Variants in FGD4 observed in about 807,000 individuals in gnomAD.
The protein encoded by FGD4 is FYVE, RhoGEF and PH domain containing 4.
Under a neutral mutation model 102.0 loss-of-function variants are expected in FGD4, and 42 were observed. The observed-to-expected ratio is 0.41, with a 90% CI of 0.32 to 0.53. The LOEUF is 0.53. FGD4 is among the 20% of genes least tolerant of loss of function. The probability of loss-of-function intolerance (pLI) is 0.21; values close to 1 mark genes in which losing one functional copy is unlikely to be tolerated. For synonymous variants in FGD4, 380 were observed against 375.7 expected (o/e 1.01, Z -0.13); for missense variants, 902 against 1,078.2 (o/e 0.84, Z 2.29).
intron 1 of FGD4, among the ~76,000 whole-genome samples, chr12:32,490,399 C>CTT (rs3077004): frequency 0.28 from 36,640 of 130,700 alleles, 5,580 homozygotes; most frequent in East Asian, 0.49. Context: ...TTTTATCAGT[C>CTT]TTTTTTTTTT....
At chr12:32,500,955 G>A (rs1938176480) in intron 1 of FGD4, among the ~76,000 whole-genome samples, 1 of 152,218 alleles carries the variant, frequency 6.6e-6, no homozygotes, top group Admixed American at 6.5e-5. Context: ...TGGTCTTGAG[G>A]TGCTCACAGT....
intron 1 of FGD4, among the ~76,000 whole-genome samples, chr12:32,453,610 G>A (rs979812736): frequency 6.6e-6 from 1 of 152,174 alleles, no homozygotes; most frequent in African/African-American, 2.4e-5. Flanking sequence ...TCATCCTACA[G>A]AGAAGCAAAA....
intron 1 of FGD4, among the ~76,000 whole-genome samples, chr12:32,552,411 C>T (rs1190880448): frequency 1.3e-5 from 2 of 151,360 alleles, no homozygotes; most frequent in East Asian, 1.9e-4. Context: ...AGGCGCCCGC[C>T]GCCATGCCCG....
At chr12:32,622,039 C>A (rs1367391781) in intron 11 of FGD4, among the ~76,000 whole-genome samples, 1 of 152,158 alleles carries the variant, frequency 6.6e-6, no homozygotes, top group Non-Finnish European at 1.5e-5. Context: ...AGGTGCCTGC[C>A]ACCAAGCCCG....
At chr12:32,625,559 G>A (rs1950107641) in intron 13 of FGD4, 95 bp from the exon 14 acceptor site, 2 of 1,453,518 alleles carry the variant, frequency 1.4e-6, no homozygotes, top group Admixed American at 4.0e-5. Flanking sequence ...TCAGAACATG[G>A]TTTGAGCAAT....
chr12:32,410,443 C>G (rs978254695), intron 1 of FGD4, among the ~76,000 whole-genome samples: 1 of 151,844 alleles, frequency 6.6e-6, no homozygotes, highest in African/African-American at 2.4e-5. Context: ...TGTGATCACA[C>G]CACTGTATTC....
intron 1 of FGD4, among the ~76,000 whole-genome samples, chr12:32,489,831 C>T (rs1446605979): frequency 2.0e-5 from 3 of 152,032 alleles, no homozygotes; most frequent in Non-Finnish European, 2.9e-5. Context: ...AAGACTTTGG[C>T]CTATTAAAAA....
intron 1 of FGD4, among the ~76,000 whole-genome samples, chr12:32,461,854 G>T (rs1943112744): frequency 6.6e-6 from 1 of 152,176 alleles, no homozygotes. Context: ...AGCCTCCCGA[G>T]TAGCTGGGAT....
At chr12:32,439,539 A>G (rs1942355317) in intron 1 of FGD4, among the ~76,000 whole-genome samples, 1 of 152,220 alleles carries the variant, frequency 6.6e-6, no homozygotes, top group African/African-American at 2.4e-5. Flanking sequence ...AAGAACCTTC[A>G]TACTGTTTCC....
intron 1 of FGD4, among the ~76,000 whole-genome samples, chr12:32,422,172 A>G (rs927261672): frequency 2.0e-5 from 3 of 151,392 alleles, no homozygotes; most frequent in African/African-American, 7.3e-5. Context: ...AGATGAGACT[A>G]TAAAACATCT....
intron 6 of FGD4, 106 bp from the exon 7 acceptor site, chr12:32,602,055 C>A: frequency 1.0e-6 from 1 of 987,928 alleles, no homozygotes; most frequent in Non-Finnish European, 1.6e-6. Flanking sequence ...GTCGAGGTTG[C>A]AGTGAGCTGT....
chr12:32,521,608 A>G (rs956950462), intron 1 of FGD4, among the ~76,000 whole-genome samples: 2 of 152,226 alleles, frequency 1.3e-5, no homozygotes, highest in African/African-American at 4.8e-5. Flanking sequence ...GGGGCTCAGT[A>G]ATTCTTTGTA....
chr12:32,467,738 G>A (rs112742745), intron 1 of FGD4, among the ~76,000 whole-genome samples: 2 of 151,816 alleles, frequency 1.3e-5, no homozygotes, highest in African/African-American at 2.4e-5. Context: ...ACTTTTGGCC[G>A]GGCTTGGTGG....
intron 1 of FGD4, among the ~76,000 whole-genome samples, chr12:32,472,727 A>G (rs890711566): frequency 5.9e-5 from 9 of 152,218 alleles, no homozygotes; most frequent in Non-Finnish European, 1.2e-4. Context: ...CCGGTGCGGG[A>G]TCCACTAGGT....
At chr12:32,436,254 A>G (rs886224985) in intron 1 of FGD4, among the ~76,000 whole-genome samples, 5 of 152,246 alleles carry the variant, frequency 3.3e-5, no homozygotes, top group African/African-American at 1.2e-4. Flanking sequence ...TAAATAATAA[A>G]TAAAAGTTTA....
At chr12:32,473,662 G>A (rs1013379739) in intron 1 of FGD4, among the ~76,000 whole-genome samples, 2 of 152,162 alleles carry the variant, frequency 1.3e-5, no homozygotes, top group Non-Finnish European at 1.5e-5. Context: ...CCTGGGTGCA[G>A]CTCATCTCAA....
intron 1 of FGD4, among the ~76,000 whole-genome samples, chr12:32,496,506 G>A (rs942830155): frequency 6.6e-6 from 1 of 152,102 alleles, no homozygotes; most frequent in African/African-American, 2.4e-5. Context: ...CAAGAAAAAG[G>A]GGTAGCATAT....
intron 1 of FGD4, among the ~76,000 whole-genome samples, chr12:32,517,169 A>C (rs1939975930): frequency 6.6e-6 from 1 of 152,164 alleles, no homozygotes; most frequent in African/African-American, 2.4e-5. Flanking sequence ...GTTAATTCTA[A>C]TTGTTCTCTG....
intron 5 of FGD4, chr12:32,600,513 T>G: frequency 8.4e-7 from 1 of 1,193,658 alleles, no homozygotes; most frequent in East Asian, 6.5e-5. Context: ...TTAAGAGGTA[T>G]AGTAGCCCTA....
Sources: allele counts gnomAD v4.1 joint callset (sites outside exome capture counted in the v4.1 genomes callset), GRCh38; gene constraint gnomAD v4.1.1; transcripts MANE v1.5; gene names NCBI Gene and HGNC (gene_info 2026-07-23, HGNC 2026-07-21).